FHIT: variants seen among roughly 807,000 people sequenced by gnomAD.
The protein encoded by FHIT is bis(5'-adenosyl)-triphosphatase.
A neutral mutation model predicts 17.9 loss-of-function variants in FHIT; 19 were observed. The ratio of observed to expected loss-of-function variants is 1.06; its 90% CI spans 0.74 to 1.56. The LOEUF is 1.56. FHIT is among the 40% of genes most tolerant of loss of function. The probability of loss-of-function intolerance (pLI) is 0.00; values close to 1 mark genes in which losing one functional copy is unlikely to be tolerated. For missense variants in FHIT, 248 were observed against 189.2 expected, an observed-to-expected ratio of 1.31 and a Z score of -1.82; for synonymous variants, 81 against 69.7, an observed-to-expected ratio of 1.16 and a Z score of -0.81.
chr3:60,358,307 T>A (rs1273932300), intron 5 of FHIT, among the ~76,000 whole-genome samples: 2 of 152,182 alleles, frequency 1.3e-5, no homozygotes, highest in Admixed American at 1.3e-4. Context: ...ATACTAGAGA[T>A]GTATTTGGCT....
intron 4 of FHIT, among the ~76,000 whole-genome samples, chr3:60,815,990 T>G (rs987118498): frequency 6.6e-6 from 1 of 151,948 alleles, no homozygotes; most frequent in Non-Finnish European, 1.5e-5. Context: ...TATACTTCTA[T>G]TTTTTCAGGC....
At chr3:60,369,092 C>A (rs542353961) in intron 5 of FHIT, among the ~76,000 whole-genome samples, 20 of 151,988 alleles carry the variant, frequency 1.3e-4, no homozygotes, top group African/African-American at 4.3e-4. Flanking sequence ...CCCACCTCAG[C>A]CTCCTGAGTA....
chr3:60,486,509 C>G (rs1001916915), intron 5 of FHIT, among the ~76,000 whole-genome samples: 1 of 152,096 alleles, frequency 6.6e-6, no homozygotes, highest in Non-Finnish European at 1.5e-5. Context: ...ATTTAGGATA[C>G]CTCCAAAGGG....
chr3:60,711,814 G>A (rs1553705196), intron 4 of FHIT, among the ~76,000 whole-genome samples: 2 of 152,228 alleles, frequency 1.3e-5, no homozygotes, highest in Non-Finnish European at 2.9e-5. Flanking sequence ...ACCTGAAGGT[G>A]ACGGGGAGAA....
intron 4 of FHIT, among the ~76,000 whole-genome samples, chr3:60,630,438 A>T (rs1424255370): frequency 6.6e-6 from 1 of 152,108 alleles, no homozygotes; most frequent in Non-Finnish European, 1.5e-5. Context: ...AGTTGCAAGA[A>T]CCCACTCTTT....
intron 4 of FHIT, among the ~76,000 whole-genome samples, chr3:60,759,477 G>T (rs527861339): frequency 6.6e-6 from 1 of 152,194 alleles, no homozygotes; most frequent in East Asian, 1.9e-4. Context: ...CTTGACAGTG[G>T]ATGAGATTTT....
intron 1 of FHIT, among the ~76,000 whole-genome samples, chr3:61,247,005 C>T (rs1442090498): frequency 6.6e-6 from 1 of 151,638 alleles, no homozygotes; most frequent in African/African-American, 2.4e-5. Flanking sequence ...CCAACATCCC[C>T]TCCCTCCCTC....
At chr3:60,478,538 G>C (rs2107467762) in intron 5 of FHIT, among the ~76,000 whole-genome samples, 1 of 152,232 alleles carries the variant, frequency 6.6e-6, no homozygotes, top group Non-Finnish European at 1.5e-5. Flanking sequence ...GAATGCATCT[G>C]GCAGAAGTAT....
intron 5 of FHIT, among the ~76,000 whole-genome samples, chr3:60,479,606 C>G (rs1451689444): frequency 6.6e-6 from 1 of 152,158 alleles, no homozygotes; most frequent in Non-Finnish European, 1.5e-5. Context: ...GGTCCCCAAC[C>G]CCCTGGCTGC....
rs146468211 is a variant in FHIT at position 59,945,958 on chromosome 3, A to C, written c.280-23544T>G. 5.5e-3 allele frequency among the ~76,000 whole-genome samples: 844 copies of C among 152,270 alleles called. 9 individuals carry two copies. Among genetic ancestry groups the C allele is most frequent in the African/African-American group, 0.019 (801 of 41,552 alleles). On this transcript the variant is annotated intron_variant, in intron 7 of 9. Transcript: ENST00000492590. ...TTGTAGTACAGTTTGAAGTCAGATA[A>C]TGTGATGCCTCCAGCTTCACTTTTT... is the stretch of plus-strand genomic sequence containing the variant.
At chr3:59,961,781 C>G (rs1575772929) in intron 7 of FHIT, among the ~76,000 whole-genome samples, 1 of 152,208 alleles carries the variant, frequency 6.6e-6, no homozygotes, top group African/African-American at 2.4e-5. Context: ...AGCCAGGTAC[C>G]TCAGTTGGAA....
At chr3:61,125,059 T>C (rs9819526) in intron 2 of FHIT, among the ~76,000 whole-genome samples, 2,221 of 152,316 alleles carry the variant, frequency 0.015, 48 homozygotes, top group African/African-American at 0.05. Flanking sequence ...TATTATTTAA[T>C]GTAAATACAG....
chr3:60,101,414 G>T (rs921877276), intron 5 of FHIT, among the ~76,000 whole-genome samples: 1 of 152,148 alleles, frequency 6.6e-6, no homozygotes, highest in African/African-American at 2.4e-5. Flanking sequence ...AGCTCCCCAG[G>T]ACTGGCTCTT....
At chr3:60,466,737 C>CT (rs899365019) in intron 5 of FHIT, among the ~76,000 whole-genome samples, 2 of 150,502 alleles carry the variant, frequency 1.3e-5, no homozygotes, top group Non-Finnish European at 3.0e-5. Context: ...ATGATAAATG[C>CT]TTTTTTTAAT....
At chr3:59,881,591 A>C (rs1481853098) in intron 8 of FHIT, among the ~76,000 whole-genome samples, 3 of 152,196 alleles carry the variant, frequency 2.0e-5, no homozygotes, top group Admixed American at 6.5e-5. Context: ...CCAAAACAAA[A>C]CAAATCTATC....
intron 5 of FHIT, among the ~76,000 whole-genome samples, chr3:60,487,155 C>T (rs756676025): frequency 6.6e-6 from 1 of 152,134 alleles, no homozygotes; most frequent in Non-Finnish European, 1.5e-5. Context: ...AAGAACCTGG[C>T]TAGTAAGGGA....
At chr3:60,966,655 T>A (rs1709759393) in intron 3 of FHIT, among the ~76,000 whole-genome samples, 1 of 152,236 alleles carries the variant, frequency 6.6e-6, no homozygotes, top group Non-Finnish European at 1.5e-5. Context: ...ATTATCATTT[T>A]AAAAATCTCT....
chr3:60,154,383 A>G (rs1700593580), intron 5 of FHIT, among the ~76,000 whole-genome samples: 1 of 152,182 alleles, frequency 6.6e-6, no homozygotes, highest in Admixed American at 6.6e-5. Flanking sequence ...ATACCGAAAA[A>G]TTCTGCTTTA....
chr3:60,161,989 CG>C (rs1000944270), intron 5 of FHIT, among the ~76,000 whole-genome samples: 5 of 151,986 alleles, frequency 3.3e-5, no homozygotes, highest in African/African-American at 1.2e-4. Context: ...GTAAACCGGA[CG>C]TTGGAAAGAA....
Sources: gnomAD v4.1 joint callset for allele counts (sites outside exome capture counted in the v4.1 genomes callset) on GRCh38, gnomAD v4.1.1 for gene constraint, MANE v1.5 for transcripts, NCBI Gene and HGNC (gene_info 2026-07-23, HGNC 2026-07-21) for gene names.